Variants in PLEKHM3 observed in about 807,000 individuals in gnomAD.
PLEKHM3 encodes pleckstrin homology domain containing M3.
A neutral mutation model predicts 81.8 loss-of-function variants in PLEKHM3; 45 were observed. That is an observed-to-expected ratio of 0.55 (90% CI 0.43 to 0.71). The LOEUF is 0.71. Ranked by LOEUF, PLEKHM3 falls within the 30% of genes least tolerant of loss-of-function variation. The pLI is 0.00. For missense variants in PLEKHM3, 788 were observed against 924.3 expected (o/e 0.85, Z 1.91); for synonymous variants, 352 against 356.4 (o/e 0.99, Z 0.14).
chr2:207,839,333 T>C (rs1164605143), intron 7 of PLEKHM3, among the ~76,000 whole-genome samples: 1 of 152,090 alleles, frequency 6.6e-6, no homozygotes, highest in African/African-American at 2.4e-5. Context: ...CTAATGTACA[T>C]TAGAAAATGC....
chr2:207,978,953 A>G (rs1374102630), intron 2 of PLEKHM3, among the ~76,000 whole-genome samples: 1 of 152,182 alleles, frequency 6.6e-6, no homozygotes, highest in Admixed American at 6.5e-5. Flanking sequence ...AGTTCCACTA[A>G]GGGCAAGGGT....
At chr2:207,874,749 G>C (rs1012740747) in intron 6 of PLEKHM3, among the ~76,000 whole-genome samples, 2 of 151,600 alleles carry the variant, frequency 1.3e-5, no homozygotes, top group African/African-American at 4.8e-5. Flanking sequence ...ACACCACCAT[G>C]CTCGGCTAAT....
chr2:207,847,434 C>T (rs759977505), intron 7 of PLEKHM3, among the ~76,000 whole-genome samples: 1 of 152,192 alleles, frequency 6.6e-6, no homozygotes, highest in Non-Finnish European at 1.5e-5. Context: ...ACAATAAACA[C>T]ATTTAAGAGT....
chr2:207,872,740 T>C (rs1304838502), intron 6 of PLEKHM3, among the ~76,000 whole-genome samples: 1 of 152,152 alleles, frequency 6.6e-6, no homozygotes, highest in African/African-American at 2.4e-5. Flanking sequence ...CTCAGGAGAA[T>C]CACTTGAACC....
intron 4 of PLEKHM3, among the ~76,000 whole-genome samples, chr2:207,932,495 A>C (rs1015236861): frequency 6.6e-6 from 1 of 151,540 alleles, no homozygotes; most frequent in African/African-American, 2.4e-5. Context: ...TAAACAAAAA[A>C]CTTTGCTTAT....
chr2:207,971,644 T>C (rs1470539340), intron 3 of PLEKHM3, among the ~76,000 whole-genome samples: 1 of 152,100 alleles, frequency 6.6e-6, no homozygotes, highest in East Asian at 1.9e-4. Flanking sequence ...CACATACAGG[T>C]ACACACTTCA....
At chr2:207,890,220 A>G (rs1424951973) in intron 6 of PLEKHM3, among the ~76,000 whole-genome samples, 3 of 152,222 alleles carry the variant, frequency 2.0e-5, no homozygotes, top group East Asian at 3.8e-4. Flanking sequence ...GTTAACATCA[A>G]ATGAGAATGT....
At chr2:207,915,732 G>A (rs1204579613) in intron 5 of PLEKHM3, among the ~76,000 whole-genome samples, 3 of 152,138 alleles carry the variant, frequency 2.0e-5, no homozygotes, top group Non-Finnish European at 2.9e-5. Context: ...TAAATGATAA[G>A]GGTCTAAATA....
rs1412714113 is a variant in PLEKHM3 at position 207,976,203 on chromosome 2, A to G, written c.1546+448T>C. On this transcript the variant is annotated intron_variant, in intron 3 of 7. Coordinates refer to ENST00000427836, the MANE Select transcript of PLEKHM3 (RefSeq NM_001080475.3). This position sits in a 1 kb window ranked among gnomAD's most constrained non-coding sequence, Gnocchi z 4.1. ...AGACGATTTGACAAGGTCAAGATCA[A>G]TGACAGTTACTGACTGTGGCCATTT... Among the ~76,000 whole-genome samples the G allele has an allele frequency of 6.6e-6, 1 of 152,240 alleles. No homozygotes were observed. The highest frequency in any genetic ancestry group is 1.5e-5 in the Non-Finnish European group (1 of 68,034).
chr2:207,880,623 C>T (rs1282713621), intron 6 of PLEKHM3, among the ~76,000 whole-genome samples: 1 of 147,670 alleles, frequency 6.8e-6, no homozygotes, highest in African/African-American at 2.5e-5. Flanking sequence ...ATTAGCCGGG[C>T]GTGTTGGCGG....
At chr2:207,969,416 T>C (rs530452333) in intron 3 of PLEKHM3, among the ~76,000 whole-genome samples, 3 of 152,366 alleles carry the variant, frequency 2.0e-5, no homozygotes, top group Non-Finnish European at 4.4e-5. Flanking sequence ...CACCCCATAC[T>C]TTCTATCAAG....
intron 7 of PLEKHM3, among the ~76,000 whole-genome samples, chr2:207,850,714 T>C (rs2092407660): frequency 1.3e-5 from 2 of 152,168 alleles, no homozygotes; most frequent in South Asian, 2.1e-4. Context: ...GAAAGCTGCA[T>C]AGGAGGCAAT....
At chr2:207,920,916 G>T (rs986793302) in intron 5 of PLEKHM3, among the ~76,000 whole-genome samples, 19 of 152,136 alleles carry the variant, frequency 1.2e-4, no homozygotes, top group African/African-American at 4.6e-4. Flanking sequence ...GAGCACAGGA[G>T]TGCCCGTCTC....
chr2:207,843,527 G>A lies in PLEKHM3; in HGVS notation c.2109-15031C>T, dbSNP rs1286350356. ...CTGCTTTGACATTCACATCATTTCT[G>A]TCCCTAAGCCCCTGAGCTGGTGCTT... On this transcript the variant is annotated intron_variant, in intron 7 of 7. Transcript: ENST00000427836. The surrounding 1 kb of genome is among the most constrained non-coding windows in gnomAD (Gnocchi z 4.4). 6.6e-6 allele frequency among the ~76,000 whole-genome samples: 1 copy of A among 152,128 alleles called. No homozygotes were observed. Among genetic ancestry groups the A allele is most frequent in the Non-Finnish European group, 1.5e-5 (1 of 68,024 alleles).
At chr2:207,951,759 T>C (rs1238806012) in intron 3 of PLEKHM3, among the ~76,000 whole-genome samples, 1 of 152,228 alleles carries the variant, frequency 6.6e-6, no homozygotes, top group Non-Finnish European at 1.5e-5. Context: ...AAAAGCACCA[T>C]CTTTCTTCTA....
Position 207,822,494 on chromosome 2 carries a change from G to C in PLEKHM3, c.*5825C>G, listed in dbSNP as rs911333916. ...AAGCAAACAAACAAATAAACAAAAA[G>C]AGCGATTGAAGAACAGCATAAAACA... On this transcript the variant is annotated 3_prime_UTR_variant, in exon 8 of 8. Coordinates refer to ENST00000427836, the MANE Select transcript of PLEKHM3 (RefSeq NM_001080475.3). 1 of 152,902 alleles carries C rather than the reference G, an allele frequency of 6.5e-6. No individual in the cohort carries two copies. Among genetic ancestry groups the C allele is most frequent in the African/African-American group, 2.4e-5 (1 of 41,440 alleles). The allele number at this position is 152,902 out of a possible 1,614,324, so 9.5% of individuals were successfully genotyped here.
intron 2 of PLEKHM3, among the ~76,000 whole-genome samples, chr2:207,982,208 C>T (rs1236652957): frequency 6.7e-6 from 1 of 148,528 alleles, no homozygotes; most frequent in African/African-American, 2.6e-5. Context: ...TTCCTTCCTT[C>T]GTTCCTCCCT....
chr2:207,839,905 C>T (rs1286332240), intron 7 of PLEKHM3, among the ~76,000 whole-genome samples: 1 of 152,076 alleles, frequency 6.6e-6, no homozygotes, highest in Non-Finnish European at 1.5e-5. Flanking sequence ...TCAGCCTGGG[C>T]AACAGAGTGA....
In PLEKHM3 at chr2:207,977,205, T is replaced by C. The variant is rs1158453002; in HGVS notation, c.992A>G (p.Asp331Gly). 5 of 1,614,074 alleles carry C rather than the reference T, an allele frequency of 3.1e-6. No homozygotes were observed. The highest frequency in any genetic ancestry group is 4.2e-6 in the Non-Finnish European group (5 of 1,180,034). ...GAAACTATGATTCTGTGTATAGTCA[T>C]CATGATGGCCAAGCCCTGGTGAGAT... ...LTISPGLGHH[D>G]DYTQNHSFQK... Residue 331 changes from aspartate to glycine, a missense_variant, in exon 3 of 8, where the codon GAT (aspartate) becomes GGT (glycine). Transcript: ENST00000427836.
Sources: allele counts gnomAD v4.1 joint callset (sites outside exome capture counted in the v4.1 genomes callset), GRCh38; gene constraint gnomAD v4.1.1; non-coding constraint Gnocchi (gnomAD v3.1); transcripts MANE v1.5; gene names NCBI Gene and HGNC (gene_info 2026-07-23, HGNC 2026-07-21).